SNTG1: variants seen among roughly 807,000 people sequenced by gnomAD.
SNTG1 encodes the protein gamma-1-syntrophin.
A neutral mutation model predicts 74.7 loss-of-function variants in SNTG1; 39 were observed. The ratio of observed to expected loss-of-function variants is 0.52; its 90% confidence interval spans 0.40 to 0.68. The LOEUF is 0.68. Ranked by LOEUF, SNTG1 falls within the 30% of genes least tolerant of loss-of-function variation. The probability of loss-of-function intolerance (pLI) is 0.00; values close to 1 mark genes in which losing one functional copy is unlikely to be tolerated. For synonymous variants in SNTG1, 254 were observed against 217.1 expected, an observed-to-expected ratio of 1.17 and a Z score of -1.49; for missense variants, 685 against 609.5, an observed-to-expected ratio of 1.12 and a Z score of -1.30.
intron 17 of SNTG1, among the ~76,000 whole-genome samples, chr8:50,744,534 G>T (rs1039837708): frequency 6.6e-6 from 1 of 151,804 alleles, no homozygotes; most frequent in African/African-American, 2.4e-5. Context: ...GATATTTTTT[G>T]AAGAAATAGA....
intron 9 of SNTG1, among the ~76,000 whole-genome samples, chr8:50,521,013 C>A (rs1169925189): frequency 1.3e-5 from 2 of 152,086 alleles, no homozygotes; most frequent in Non-Finnish European, 2.9e-5. Context: ...CAAAGACATG[C>A]AACCAACCCA....
chr8:50,536,552 G>A, intron 10 of SNTG1, 126 bp from the exon 11 acceptor site: 1 of 1,120,442 alleles, frequency 8.9e-7, no homozygotes, highest in East Asian at 2.4e-5. Flanking sequence ...TCTTCTCATG[G>A]TATTCCATTA....
At chr8:50,360,409 C>A (rs2091925846) in intron 2 of SNTG1, among the ~76,000 whole-genome samples, 3 of 152,126 alleles carry the variant, frequency 2.0e-5, no homozygotes, top group Admixed American at 2.0e-4. Flanking sequence ...TCTTGGGGAA[C>A]TGTAGTTATA....
chr8:50,489,181 T>A (rs982845253), intron 8 of SNTG1, among the ~76,000 whole-genome samples: 9 of 152,246 alleles, frequency 5.9e-5, no homozygotes, highest in Non-Finnish European at 1.2e-4. Context: ...CTATCATTGA[T>A]GGACATTTGG....
At chr8:50,534,327 G>C (rs2094292165) in intron 10 of SNTG1, among the ~76,000 whole-genome samples, 1 of 152,060 alleles carries the variant, frequency 6.6e-6, no homozygotes, top group South Asian at 2.1e-4. Context: ...TGCCAACGAG[G>C]ACCTTGCTTT....
At chr8:50,252,633 C>G (rs1218974595) in intron 2 of SNTG1, among the ~76,000 whole-genome samples, 2 of 152,084 alleles carry the variant, frequency 1.3e-5, no homozygotes, top group Non-Finnish European at 2.9e-5. Flanking sequence ...AGGAAGAGAC[C>G]ACAAATCACA....
chr8:50,013,404 C>A (rs1223945188), intron 1 of SNTG1, among the ~76,000 whole-genome samples: 1 of 151,752 alleles, frequency 6.6e-6, no homozygotes, highest in African/African-American at 2.4e-5. Flanking sequence ...TTATTGATTC[C>A]TCCTTTATTT....
chr8:50,691,382 G>C lies in SNTG1; in HGVS notation c.1039-13218G>C, dbSNP rs891349311. On this transcript the variant is annotated intron_variant, in intron 15 of 18. Transcript: ENST00000642720. ...AATTTGGCATATTTTTGCAGTGGCT[G>C]GTACCGGTTGTTCCTTTCCTTGTTT... 3.3e-5 allele frequency among the ~76,000 whole-genome samples: 5 copies of C among 152,280 alleles called. No homozygotes were observed. The East Asian group carries it at 7.7e-4, about 23-fold the overall frequency.
rs548487177 is a variant in SNTG1 at position 50,105,806 on chromosome 8, C to T, written c.-102-66755C>T. Among the ~76,000 whole-genome samples the T allele has an allele frequency of 7.9e-5, 12 of 151,994 alleles. No homozygotes were observed. In the South Asian group the frequency reaches 1.0e-3, roughly 13 times the overall value. ...TTTTTGTGACTATTGTGAGTGAGAT[C>T]GCATTCTGAATTTGGCTTTCAGCTT... On this transcript the variant is annotated intron_variant, in intron 1 of 18. Coordinates refer to ENST00000642720, the MANE Select transcript of SNTG1 (RefSeq NM_018967.5).
At chr8:50,052,878 C>T (rs2106156) in intron 1 of SNTG1, among the ~76,000 whole-genome samples, 25,935 of 152,076 alleles carry the variant, frequency 0.17, 2,506 homozygotes, top group Middle Eastern at 0.27. Context: ...ACTTTATGTC[C>T]ACTAGGATGG....
At chr8:50,503,969 T>A (rs971517283) in intron 9 of SNTG1, among the ~76,000 whole-genome samples, 6 of 152,208 alleles carry the variant, frequency 3.9e-5, no homozygotes, top group African/African-American at 1.4e-4. Context: ...TAGTTATTTA[T>A]CCTGATCCTG....
At chr8:50,623,608 A>T (rs1252518469) in intron 13 of SNTG1, among the ~76,000 whole-genome samples, 1 of 152,060 alleles carries the variant, frequency 6.6e-6, no homozygotes, top group East Asian at 1.9e-4. Context: ...ACAAACTATT[A>T]TTCTTCACAT....
At chr8:50,126,893 C>T (rs1372902172) in intron 1 of SNTG1, among the ~76,000 whole-genome samples, 3 of 152,076 alleles carry the variant, frequency 2.0e-5, no homozygotes, top group Non-Finnish European at 4.4e-5. Context: ...GTACCAGGTT[C>T]CACAAAGTGG....
At chr8:50,748,811 A>C (rs1387765122) in intron 17 of SNTG1, among the ~76,000 whole-genome samples, 2 of 152,006 alleles carry the variant, frequency 1.3e-5, no homozygotes, top group Non-Finnish European at 2.9e-5. Flanking sequence ...GATGGTGAAT[A>C]ATTTTAACCA....
At chr8:50,389,557 T>G (rs2092625365) in intron 2 of SNTG1, among the ~76,000 whole-genome samples, 1 of 152,202 alleles carries the variant, frequency 6.6e-6, no homozygotes, top group Admixed American at 6.5e-5. Context: ...TGTGCATGTG[T>G]CTTTATAGCA....
chr8:50,578,844 C>G (rs913796152), intron 12 of SNTG1, among the ~76,000 whole-genome samples: 1 of 152,110 alleles, frequency 6.6e-6, no homozygotes, highest in Non-Finnish European at 1.5e-5. Flanking sequence ...TATAAATTAC[C>G]CAGACTTGGG....
chr8:49,974,786 T>A (rs1203535703), intron 1 of SNTG1, among the ~76,000 whole-genome samples: 1 of 152,176 alleles, frequency 6.6e-6, no homozygotes, highest in African/African-American at 2.4e-5. Flanking sequence ...TGCTGAAAGT[T>A]TCCCAGAATG....
chr8:50,085,379 C>G (rs899170214), intron 1 of SNTG1, among the ~76,000 whole-genome samples: 1 of 152,164 alleles, frequency 6.6e-6, no homozygotes, highest in Non-Finnish European at 1.5e-5. Flanking sequence ...TAGTTAGTAC[C>G]AGAATGCCTT....
Position 50,597,391 on chromosome 8 carries a change from A to ACATATACACG in SNTG1, c.849+6474_849+6475insCATATACACG, listed in dbSNP as rs1563627996. On this transcript the variant is annotated intron_variant, in intron 13 of 18. Coordinates refer to ENST00000642720, the MANE Select transcript of SNTG1 (RefSeq NM_018967.5). ...TACATGTATATATACACATATATAC[A>ACATATACACG]TATATACATATATACATATATACAT... Among the ~76,000 whole-genome samples, 196 of 134,054 alleles carry ACATATACACG rather than the reference A, an allele frequency of 1.5e-3. 2 individuals carry two copies. Among genetic ancestry groups the ACATATACACG allele is most frequent in the Middle Eastern group, 7.8e-3 (2 of 256 alleles). The allele number at this position is 134,054 out of a possible 152,430, so 87.9% of individuals were successfully genotyped here. A position where few individuals can be genotyped will look rare whatever the true frequency, so the allele number is the denominator to read the frequency against.
Sources: gnomAD v4.1 joint callset for allele counts (sites outside exome capture counted in the v4.1 genomes callset) on GRCh38, gnomAD v4.1.1 for gene constraint, MANE v1.5 for transcripts, NCBI Gene and HGNC (gene_info 2026-07-23, HGNC 2026-07-21) for gene names.